The following CDYL2 variants were observed in gnomAD, a reference collection of about 807,000 sequenced individuals.
CDYL2 encodes chromodomain Y like 2.
CDYL2 carries 23 observed loss-of-function variants against 49.4 expected under a neutral mutation model. That is an observed-to-expected ratio of 0.47 (90% confidence interval 0.34 to 0.66). The LOEUF is 0.66. Ranked by LOEUF, CDYL2 falls within the 30% of genes least tolerant of loss-of-function variation. The pLI is 0.01. For missense variants in CDYL2, 678 were observed against 656.4 expected, an observed-to-expected ratio of 1.03 and a Z score of -0.36; for synonymous variants, 360 against 268.8, an observed-to-expected ratio of 1.34 and a Z score of -3.32.
chr16:80,779,092 A>G (rs1012320451), intron 1 of CDYL2, among the ~76,000 whole-genome samples: 1 of 152,084 alleles, frequency 6.6e-6, no homozygotes, highest in African/African-American at 2.4e-5. Flanking sequence ...GAAGGAATGT[A>G]GGAAGAAAAG....
chr16:80,659,077 ATG>A (rs1567559303), intron 2 of CDYL2, among the ~76,000 whole-genome samples: 1 of 150,648 alleles, frequency 6.6e-6, no homozygotes. Context: ...GGATGGATGG[ATG>A]GATGGATGGA....
intron 1 of CDYL2, among the ~76,000 whole-genome samples, chr16:80,726,115 A>T (rs1905154823): frequency 6.6e-6 from 1 of 152,226 alleles, no homozygotes; most frequent in Non-Finnish European, 1.5e-5. Flanking sequence ...ATGAAATAAG[A>T]TTGCTCATCA....
chr16:80,612,866 G>C lies in CDYL2; in HGVS notation c.1008-30C>G. 3 of 1,567,530 alleles carry C rather than the reference G, an allele frequency of 1.9e-6. No homozygotes were observed. The highest frequency in any genetic ancestry group is 2.6e-6 in the Non-Finnish European group (3 of 1,152,534). ...GAGAGAAAGAAGATCCTCTTGAACA[G>C]GTGACTATAGCATGCTAAGCCCCAC... On this transcript the variant is annotated intron_variant, in intron 4 of 6. Coordinates refer to ENST00000570137, the MANE Select transcript of CDYL2 (RefSeq NM_152342.4). The surrounding 1 kb of genome is among the most constrained non-coding windows in gnomAD (Gnocchi z 5.0).
At chr16:80,773,331 A>G (rs1167480012) in intron 1 of CDYL2, among the ~76,000 whole-genome samples, 1 of 152,180 alleles carries the variant, frequency 6.6e-6, no homozygotes, top group Non-Finnish European at 1.5e-5. Flanking sequence ...AAAATACAAA[A>G]TGTAAAAATT....
chr16:80,773,370 A>T (rs941836823), intron 1 of CDYL2, among the ~76,000 whole-genome samples: 15 of 152,194 alleles, frequency 9.9e-5, no homozygotes, highest in Non-Finnish European at 1.9e-4. Flanking sequence ...AGACATTTCC[A>T]TAATCGGAAC....
At chr16:80,611,698 C>G (rs1045713458) in intron 5 of CDYL2, among the ~76,000 whole-genome samples, 2 of 152,234 alleles carry the variant, frequency 1.3e-5, no homozygotes, top group African/African-American at 2.4e-5. Flanking sequence ...CACTAAACCT[C>G]TCTAGCCTCA....
At chr16:80,682,602 C>T (rs1056584746) in intron 2 of CDYL2, among the ~76,000 whole-genome samples, 12 of 152,230 alleles carry the variant, frequency 7.9e-5, no homozygotes, top group African/African-American at 2.9e-4. Flanking sequence ...ATCTTCCTCC[C>T]TCATGCTTTA....
chr16:80,637,941 C>A (rs1314144785), intron 2 of CDYL2, among the ~76,000 whole-genome samples: 1 of 151,862 alleles, frequency 6.6e-6, no homozygotes, highest in Non-Finnish European at 1.5e-5. Context: ...TGACAGCATC[C>A]AAAACAGGAA....
intron 6 of CDYL2, 151 bp from the exon 7 acceptor site, chr16:80,604,697 C>T: frequency 1.3e-6 from 1 of 743,612 alleles, no homozygotes; most frequent in Non-Finnish European, 2.3e-6. Context: ...TCCCATGTTT[C>T]CAGCACGGCC....
intron 1 of CDYL2, among the ~76,000 whole-genome samples, chr16:80,788,424 C>G (rs538309327): frequency 6.6e-6 from 1 of 152,242 alleles, no homozygotes; most frequent in Non-Finnish European, 1.5e-5. Context: ...TGTGCAATCC[C>G]TCTCTTGAAC....
intron 1 of CDYL2, among the ~76,000 whole-genome samples, chr16:80,750,672 C>A (rs1218792372): frequency 6.6e-6 from 1 of 152,014 alleles, no homozygotes; most frequent in Non-Finnish European, 1.5e-5. Context: ...GAAAAAGTTG[C>A]CAAAGAACAA....
At chr16:80,633,331 T>C in intron 2 of CDYL2, 95 bp from the exon 3 acceptor site, 3 of 1,286,540 alleles carry the variant, frequency 2.3e-6, no homozygotes, top group African/African-American at 1.5e-5. Context: ...ATGGAAAGGT[T>C]TGGATGTGCT....
chr16:80,679,834 C>T (rs1256073258), intron 2 of CDYL2: 3 of 453,894 alleles, frequency 6.6e-6, no homozygotes, highest in Non-Finnish European at 1.3e-5. Context: ...GGACCAATAG[C>T]AGCATCTAGG....
chr16:80,689,881 G>A (rs952750157), intron 1 of CDYL2, among the ~76,000 whole-genome samples: 13 of 152,168 alleles, frequency 8.5e-5, no homozygotes, highest in African/African-American at 3.1e-4. Flanking sequence ...AGCACTTTGG[G>A]AGGCTGAGGT....
chr16:80,643,518 C>T (rs917860632), intron 2 of CDYL2, among the ~76,000 whole-genome samples: 4 of 152,232 alleles, frequency 2.6e-5, no homozygotes, highest in South Asian at 4.1e-4. Flanking sequence ...CCCTTCTGCA[C>T]GCCTTAGCAG....
chr16:80,757,210 A>G (rs999155805), intron 1 of CDYL2, among the ~76,000 whole-genome samples: 4 of 152,172 alleles, frequency 2.6e-5, no homozygotes, highest in Non-Finnish European at 4.4e-5. Context: ...TAATAACTAA[A>G]AGAGAGTCAC....
intron 1 of CDYL2, among the ~76,000 whole-genome samples, chr16:80,781,570 C>A (rs949264199): frequency 6.6e-6 from 1 of 152,126 alleles, no homozygotes; most frequent in African/African-American, 2.4e-5. Context: ...CACCCAACAA[C>A]AACAGAGCAT....
At chr16:80,640,955 A>G (rs950817579) in intron 2 of CDYL2, among the ~76,000 whole-genome samples, 3 of 152,200 alleles carry the variant, frequency 2.0e-5, no homozygotes, top group South Asian at 4.1e-4. Context: ...TACAGGATCT[A>G]GAAAATAGCC....
intron 5 of CDYL2, among the ~76,000 whole-genome samples, chr16:80,609,706 G>A (rs962638285): frequency 6.6e-6 from 1 of 152,092 alleles, no homozygotes; most frequent in African/African-American, 2.4e-5. Context: ...CCATTCATAC[G>A]GAAAGGCTCC....
Sources: gnomAD v4.1 joint callset for allele counts (sites outside exome capture counted in the v4.1 genomes callset) on GRCh38, gnomAD v4.1.1 for gene constraint, Gnocchi (gnomAD v3.1) non-coding constraint, MANE v1.5 for transcripts, NCBI Gene and HGNC (gene_info 2026-07-23, HGNC 2026-07-21) for gene names.